The following NUP188 variants were observed in gnomAD, a reference collection of about 807,000 sequenced individuals.
NUP188 encodes the protein nucleoporin NUP188.
Under a neutral mutation model 223.0 loss-of-function variants are expected in NUP188, and 97 were observed. The ratio of observed to expected loss-of-function variants is 0.43; its 90% CI spans 0.37 to 0.51. The LOEUF is 0.51. NUP188 is among the 20% of genes least tolerant of loss of function. The pLI is 0.00. For missense variants in NUP188, 1,947 were observed against 2,175.6 expected (o/e 0.89, Z 2.09); for synonymous variants, 869 against 828.0 (o/e 1.05, Z -0.85).
intron 8 of NUP188, among the ~76,000 whole-genome samples, chr9:128,967,560 T>A (rs1340291651): frequency 1.3e-5 from 2 of 151,070 alleles, no homozygotes; most frequent in African/African-American, 4.9e-5. Flanking sequence ...GAGGCCAAGG[T>A]GGGCGGATCA....
intron 36 of NUP188, among the ~76,000 whole-genome samples, chr9:129,002,449 T>G (rs1183691739): frequency 6.6e-6 from 1 of 152,182 alleles, no homozygotes; most frequent in Non-Finnish European, 1.5e-5. Flanking sequence ...ACCTCCTAAT[T>G]TCAAAAGAGT....
At chr9:128,956,488 G>T in intron 4 of NUP188, 54 bp downstream of exon 4, 1 of 877,538 alleles carries the variant, frequency 1.1e-6, no homozygotes. Context: ...GGATGTGCGT[G>T]GTTATATTGC....
chr9:128,984,327 T>C (rs1306862032), intron 19 of NUP188, among the ~76,000 whole-genome samples: 7 of 151,968 alleles, frequency 4.6e-5, no homozygotes, highest in African/African-American at 1.5e-4. Context: ...TGTTTCACCG[T>C]GTTGGCCAGG....
chr9:128,998,856 CTT>C (rs570377284), intron 32 of NUP188, among the ~76,000 whole-genome samples: 8 of 125,764 alleles, frequency 6.4e-5, no homozygotes, highest in Admixed American at 8.6e-5. Flanking sequence ...ACCCCGTATT[CTT>C]TTTTTTTTTT....
At chr9:128,976,799 A>G (rs1324553636) in intron 12 of NUP188, among the ~76,000 whole-genome samples, 2 of 151,652 alleles carry the variant, frequency 1.3e-5, no homozygotes, top group Admixed American at 6.6e-5. Flanking sequence ...TATTAGGGCC[A>G]AGCACTGTGG....
Position 128,999,613 on chromosome 9 carries a change from C to T in NUP188, c.3662-11C>T. The T allele has an allele frequency of 6.2e-7, 1 of 1,612,342 alleles. No individual in the cohort carries two copies. Among genetic ancestry groups the T allele is most frequent in the Non-Finnish European group, 8.5e-7 (1 of 1,178,550 alleles). ...TGAGCATGACAGTGTCCCTCCCTGT[C>T]TATTCTACAGTAAGTGACATCCCCC... is the stretch of plus-strand genomic sequence containing the variant. On this transcript the variant is annotated splice_polypyrimidine_tract_variant and intron_variant, in intron 33 of 43. Coordinates refer to ENST00000372577, the MANE Select transcript of NUP188 (RefSeq NM_015354.3).
Position 129,006,625 on chromosome 9 carries a change from CAGG to C in NUP188, c.5200_5202del (p.Glu1734del). 2 of 1,614,194 alleles carry C rather than the reference CAGG, an allele frequency of 1.2e-6. No homozygotes were observed. The highest frequency in any genetic ancestry group is 1.7e-6 in the Non-Finnish European group (2 of 1,180,034). ...TCTCTCCAAAGCCAGCCCTGAGAGT[CAGG>C]AGCCTCTGATCCAGTTGGTGCAGGC... On this transcript the variant is annotated inframe_deletion, in exon 44 of 44. Coordinates refer to ENST00000372577, the MANE Select transcript of NUP188 (RefSeq NM_015354.3).
At chr9:128,950,192 G>A (rs933385553) in intron 2 of NUP188, among the ~76,000 whole-genome samples, 2 of 151,670 alleles carry the variant, frequency 1.3e-5, no homozygotes, top group Non-Finnish European at 2.9e-5. Context: ...CAAAGTGCTG[G>A]GATTACAGGC....
At chr9:128,981,498 A>AAG in intron 15 of NUP188, 108 bp downstream of exon 15, 1 of 1,148,748 alleles carries the variant, frequency 8.7e-7, no homozygotes, top group Non-Finnish European at 1.2e-6. Context: ...CTGCAGCCTC[A>AAG]AATTCTTGGG....
At chr9:128,979,348 C>T (rs377626928) in intron 13 of NUP188, 21 bp downstream of exon 13, 1 of 1,559,010 alleles carries the variant, frequency 6.4e-7, no homozygotes, top group African/African-American at 1.4e-5. Context: ...CAGAGAGAGT[C>T]ACTGCATAGC....
At chr9:128,974,773 CTTT>C (rs766492542) in intron 12 of NUP188, among the ~76,000 whole-genome samples, 2 of 141,434 alleles carry the variant, frequency 1.4e-5, no homozygotes, top group African/African-American at 2.6e-5. Flanking sequence ...AACATTGTCT[CTTT>C]TTTTTTTTTT....
At chr9:128,999,407 A>G (rs2131188189) in intron 33 of NUP188, 90 bp downstream of exon 33, 3 of 1,502,824 alleles carry the variant, frequency 2.0e-6, no homozygotes, top group Admixed American at 4.2e-5. Flanking sequence ...AGGGCCACAC[A>G]TTTCTTCTGG....
At chr9:128,989,351 A>T (rs1221022360) in intron 24 of NUP188, among the ~76,000 whole-genome samples, 2 of 151,994 alleles carry the variant, frequency 1.3e-5, no homozygotes, top group Non-Finnish European at 2.9e-5. Context: ...GCAGTGAGCC[A>T]TGATTTTGCC....
At chr9:128,990,305 C>G (rs1256515438) in intron 25 of NUP188, 79 bp downstream of exon 25, 1 of 1,106,080 alleles carries the variant, frequency 9.0e-7, no homozygotes, top group Non-Finnish European at 1.4e-6. Flanking sequence ...CATGCTCAGG[C>G]CACGTGCAGC....
intron 3 of NUP188, among the ~76,000 whole-genome samples, chr9:128,954,222 C>G (rs1841836850): frequency 6.8e-6 from 1 of 148,032 alleles, no homozygotes; most frequent in East Asian, 2.0e-4. Flanking sequence ...ATGTCTTAGT[C>G]TTTTTTTTTT....
At chr9:128,994,239 C>G in intron 27 of NUP188, 134 bp from the exon 28 acceptor site, 1 of 672,646 alleles carries the variant, frequency 1.5e-6, no homozygotes, top group Admixed American at 2.5e-5. Context: ...TATACGGGAA[C>G]AACTGACTTA....
chr9:128,987,743 TTGTC>T (rs1288679952), intron 23 of NUP188, 26 bp downstream of exon 23: 6 of 1,607,072 alleles, frequency 3.7e-6, no homozygotes, highest in Non-Finnish European at 5.1e-6. Context: ...CACGTTCCCT[TTGTC>T]TGTCTTTATT....
At position 129,006,695 on chromosome 9, in the gene NUP188, C is replaced by T. The variant is rs529232993; in HGVS notation, c.*17C>T. On this transcript the variant is annotated 3_prime_UTR_variant, in exon 44 of 44. Coordinates refer to ENST00000372577, the MANE Select transcript of NUP188 (RefSeq NM_015354.3). ...CAAAGATAGGGCAGTGCTGTTCTGC[C>T]CACCTACCCCTCTCCACCAGCCTAC... 32 of 1,604,308 alleles carry T rather than the reference C, an allele frequency of 2.0e-5. No homozygotes were observed. The South Asian group carries it at 2.2e-4, about 11-fold the overall frequency.
At chr9:128,989,721 T>C (rs1014958836) in intron 24 of NUP188, among the ~76,000 whole-genome samples, 4 of 152,052 alleles carry the variant, frequency 2.6e-5, no homozygotes, top group Non-Finnish European at 5.9e-5. Context: ...TAATCCCAGC[T>C]ACTCAGGAGG....
Sources: allele counts gnomAD v4.1 joint callset (sites outside exome capture counted in the v4.1 genomes callset), GRCh38; gene constraint gnomAD v4.1.1; transcripts MANE v1.5; gene names NCBI Gene and HGNC (gene_info 2026-07-23, HGNC 2026-07-21).